The following HOXB7 variants were observed in gnomAD, a reference collection of about 807,000 sequenced individuals.
HOXB7 encodes homeobox protein Hox-B7.
HOXB7 carries 11 observed loss-of-function variants against 19.2 expected under a neutral mutation model. That is an observed-to-expected ratio of 0.57 (90% confidence interval 0.36 to 0.95). The LOEUF (loss-of-function observed/expected upper bound fraction) is 0.95, where lower values mean the gene tolerates loss of function less well. Ranked by LOEUF, HOXB7 falls within the 40% of genes least tolerant of loss-of-function variation. The pLI is 0.01. For synonymous variants in HOXB7, 141 were observed against 130.2 expected (o/e 1.08, Z -0.56); for missense variants, 318 against 301.1 (o/e 1.06, Z -0.42).
At chr17:48,609,151 G>A (rs2070618092) in intron 1 of HOXB7, among the ~76,000 whole-genome samples, 1 of 152,244 alleles carries the variant, frequency 6.6e-6, no homozygotes, top group Non-Finnish European at 1.5e-5. Flanking sequence ...GGGAAAAGGA[G>A]AGACAGCAGC....
chr17:48,610,885 A>G lies in HOXB7; in HGVS notation c.34T>C (p.Ser12Pro). The change falls in exon 1 of 2, where the codon TCT becomes CCT. Residue 12 changes from serine to proline, a missense_variant. Ser to Pro is a moderately conservative substitution (Grantham distance 74). Coordinates refer to ENST00000239165, the MANE Select transcript of HOXB7 (RefSeq NM_004502.4). ...SSLYYANTLF[S>P]KYPASSSVFA... ...ACCGAACTTGAGGCTGGATATTTAG[A>G]AAATAAAGTATTCGCATAATACAAT... 1 of 1,519,820 alleles carries G rather than the reference A, an allele frequency of 6.6e-7. No individual in the cohort carries two copies. The highest frequency in any genetic ancestry group is 8.8e-7 in the Non-Finnish European group (1 of 1,134,114). 94.1% of individuals were successfully genotyped at this position (1,519,820 alleles called of 1,614,324 possible).
chr17:48,608,095 C>T lies in HOXB7; in HGVS notation c.401G>A (p.Gly134Glu). ...CTGGCGGCCTCGTTTGCGGTCAGTT[C>T]CTGCACACAGTATTCAGAGGAAAAT... ...FRIYPWMRSS[G>E]TDRKRGRQTY... Residue 134 changes from glycine (G) to glutamate (E), a missense_variant and splice_region_variant, in exon 2 of 2, where the codon GGA becomes GAA. Coordinates refer to ENST00000239165, the MANE Select transcript of HOXB7 (RefSeq NM_004502.4). 6.2e-7 allele frequency: 1 copy of T among 1,611,248 alleles called. No homozygotes were observed. The highest frequency in any genetic ancestry group is 8.5e-7 in the Non-Finnish European group (1 of 1,178,198).
chr17:48,609,806 A>ATCT (rs1410711737), intron 1 of HOXB7, among the ~76,000 whole-genome samples: 2 of 152,070 alleles, frequency 1.3e-5, no homozygotes, highest in Non-Finnish European at 2.9e-5. Flanking sequence ...CACTCCCATG[A>ATCT]AGCCTCTGCC....
chr17:48,608,854 G>A (rs1241893926), intron 1 of HOXB7, among the ~76,000 whole-genome samples: 1 of 152,232 alleles, frequency 6.6e-6, no homozygotes, highest in African/African-American at 2.4e-5. Context: ...AAGTGACCCT[G>A]GAGTGGGGCG....
chr17:48,607,786 T>G lies in HOXB7; in HGVS notation c.*56A>C. 1 of 1,379,866 alleles carries G rather than the reference T, an allele frequency of 7.2e-7. No individual in the cohort carries two copies. The highest frequency in any genetic ancestry group is 1.0e-6 in the Non-Finnish European group (1 of 987,036). 85.5% of individuals were successfully genotyped at this position (1,379,866 alleles called of 1,614,324 possible). A position where few individuals can be genotyped will look rare whatever the true frequency, so the allele number is the denominator to read the frequency against. On this transcript the variant is annotated 3_prime_UTR_variant, in exon 2 of 2. Transcript: ENST00000239165. ...AGTTTCCTGATTCAGTTCCCAGAGC[T>G]GGGCTTCTCTTCCTCTCCCTTTCTC...
In HOXB7 at chr17:48,607,989, C is replaced by A. The variant is rs1156450889; in HGVS notation, c.507G>T (p.Glu169Asp). 9.9e-6 allele frequency: 16 copies of A among 1,614,192 alleles called. No individual in the cohort carries two copies. In the East Asian group the frequency reaches 3.6e-4, roughly 36 times the overall value. ...NRYLTRRRRIEIAHTLCLTER... is the reference protein window; with the variant it reads ...NRYLTRRRRIDIAHTLCLTER... ...CCGTGAGGCAGAGCGTGTGCGCGAT[C>A]TCGATGCGCCGCCGCCGCGTCAGGT... is the stretch of plus-strand genomic sequence containing the variant. The change falls in exon 2 of 2, where the codon GAG becomes GAT. Residue 169 changes from glutamate to aspartate, a missense_variant. By Grantham distance (45) the Glu-to-Asp change is conservative (BLOSUM62 2). Transcript: ENST00000239165.
chr17:48,609,814 G>C (rs750396077), intron 1 of HOXB7, among the ~76,000 whole-genome samples: 11 of 152,130 alleles, frequency 7.2e-5, no homozygotes, highest in Admixed American at 2.6e-4. Flanking sequence ...TGAAGCCTCT[G>C]CCCCTTTCTA....
Position 48,610,625 on chromosome 17 carries a change from C to G in HOXB7, c.294G>C (p.Gly98=). ...CCTTGGCGGAGTCGCCGGGACACAC[C>G]CCGGAGAGGTTCTGCTCAAAGGGCG... is the stretch of plus-strand genomic sequence containing the variant. ...HCAPFEQNLS[G]VCPGDSAKAA... The change falls in exon 1 of 2, where the codon GGG becomes GGC. Residue 98 remains glycine, a synonymous_variant. Transcript: ENST00000239165. 6.4e-7 allele frequency: 1 copy of G among 1,564,194 alleles called. No individual in the cohort carries two copies. The highest frequency in any genetic ancestry group is 1.2e-5 in the South Asian group (1 of 85,856).
Position 48,607,796 on chromosome 17 carries a change from T to A in HOXB7, c.*46A>T. 3.4e-6 allele frequency: 5 copies of A among 1,484,572 alleles called. No homozygotes were observed. Among genetic ancestry groups the A allele is most frequent in the South Asian group, 1.2e-5 (1 of 85,286 alleles). 92.0% of individuals were successfully genotyped at this position (1,484,572 alleles called of 1,614,324 possible). A position where few individuals can be genotyped will look rare whatever the true frequency, so the allele number is the denominator to read the frequency against. ...TTCAGTTCCCAGAGCTGGGCTTCTC[T>A]TCCTCTCCCTTTCTCATGTCTCTTC... On this transcript the variant is annotated 3_prime_UTR_variant, in exon 2 of 2. Coordinates refer to ENST00000239165, the MANE Select transcript of HOXB7 (RefSeq NM_004502.4).
chr17:48,610,739 G>A lies in HOXB7; in HGVS notation c.180C>T (p.Pro60=), dbSNP rs34513708. ...SFAASMQGLY[P]GGGGMAGQSA... ...TCTGGCCCGCCATGCCCCCCCCGCC[G>A]GGGTACAAGCCCTGCATCGAGGCGG... is the stretch of plus-strand genomic sequence containing the variant. The change falls in exon 1 of 2, where the codon CCC becomes CCT. Residue 60 remains proline, a synonymous_variant. Transcript: ENST00000239165. 9,183 of 1,601,698 alleles carry A rather than the reference G, an allele frequency of 5.7e-3. 29 individuals are homozygous for A. Among genetic ancestry groups the A allele is most frequent in the Non-Finnish European group, 6.9e-3 (8,133 of 1,173,562 alleles).
In HOXB7 at chr17:48,610,942, C is replaced by G; in HGVS notation, c.-24G>C. On this transcript the variant is annotated 5_prime_UTR_variant, in exon 1 of 2. Transcript: ENST00000239165. ...ATAATTTGGCCGGATGATTTGTAGG[C>G]AGGGACGTTTTAGTGTCGGTTTTAC... 1 of 1,468,204 alleles carries G rather than the reference C, an allele frequency of 6.8e-7. No homozygotes were observed. Among genetic ancestry groups the G allele is most frequent in the East Asian group, 2.5e-5 (1 of 40,394 alleles). The allele number at this position is 1,468,204 out of a possible 1,614,324, so 90.9% of individuals were successfully genotyped here.
Position 48,607,806 on chromosome 17 carries a change from T to G in HOXB7, c.*36A>C, listed in dbSNP as rs754597193. 1 of 1,547,634 alleles carries G rather than the reference T, an allele frequency of 6.5e-7. No homozygotes were observed. The highest frequency in any genetic ancestry group is 2.3e-5 in the East Asian group (1 of 44,148). ...AGAGCTGGGCTTCTCTTCCTCTCCC[T>G]TTCTCATGTCTCTTCCTCTGCCCTT... is the stretch of plus-strand genomic sequence containing the variant. On this transcript the variant is annotated 3_prime_UTR_variant, in exon 2 of 2. Coordinates refer to ENST00000239165, the MANE Select transcript of HOXB7 (RefSeq NM_004502.4).
chr17:48,609,179 A>C (rs771546501), intron 1 of HOXB7, among the ~76,000 whole-genome samples: 19 of 152,328 alleles, frequency 1.2e-4, no homozygotes, highest in Non-Finnish European at 2.4e-4. Context: ...AGGATGGAAC[A>C]TGGAGTATCT....
At chr17:48,609,207 G>A (rs2070618763) in intron 1 of HOXB7, among the ~76,000 whole-genome samples, 2 of 152,228 alleles carry the variant, frequency 1.3e-5, no homozygotes, top group African/African-American at 2.4e-5. Context: ...GGGGACTGAA[G>A]GGTAGAGGGG....
chr17:48,608,188 C>T (rs2070607464), intron 1 of HOXB7, 93 bp from the exon 2 acceptor site: 1 of 1,472,820 alleles, frequency 6.8e-7, no homozygotes, highest in South Asian at 1.3e-5. Context: ...CTTTGGGAGA[C>T]CGAGGCGGGC....
rs1286233856 is a variant in HOXB7 at position 48,610,596 on chromosome 17, G to T, written c.323C>A (p.Ala108Glu). 2 of 1,550,890 alleles carry T rather than the reference G, an allele frequency of 1.3e-6. No individual in the cohort carries two copies. Among genetic ancestry groups the T allele is most frequent in the Non-Finnish European group, 1.7e-6 (2 of 1,146,712 alleles). ...GVCPGDSAKA[A>E]GAKEQRDSDL... Reference sequence around the variant, plus strand: ...CGAGTCCCTCTGCTCCTTGGCGCCCGCCGCCTTGGCGGAGTCGCCGGGACA... The same window carrying T: ...CGAGTCCCTCTGCTCCTTGGCGCCCTCCGCCTTGGCGGAGTCGCCGGGACA... Residue 108 changes from alanine to glutamate, a missense_variant, in exon 1 of 2, where the codon GCG becomes GAG. Transcript: ENST00000239165.
In HOXB7 at chr17:48,610,998, T is replaced by G; in HGVS notation, c.-80A>C. The G allele has an allele frequency of 2.4e-6, 3 of 1,251,902 alleles. No homozygotes were observed. Among genetic ancestry groups the G allele is most frequent in the South Asian group, 4.3e-5 (2 of 46,310 alleles). The allele number at this position is 1,251,902 out of a possible 1,614,324, so 77.5% of individuals were successfully genotyped here. On this transcript the variant is annotated 5_prime_UTR_variant, in exon 1 of 2. Coordinates refer to ENST00000239165, the MANE Select transcript of HOXB7 (RefSeq NM_004502.4). ...TCCTTGATATATTACAGAATTAGAGTCCAGATTTACACCAAAAAGGACCCC... is the reference window on the plus strand; with the variant it reads ...TCCTTGATATATTACAGAATTAGAGGCCAGATTTACACCAAAAAGGACCCC...
At chr17:48,608,863 C>T (rs1005555471) in intron 1 of HOXB7, among the ~76,000 whole-genome samples, 9 of 152,186 alleles carry the variant, frequency 5.9e-5, no homozygotes, top group Admixed American at 5.2e-4. Context: ...TGGAGTGGGG[C>T]GCCAGGCCTA....
chr17:48,610,430 G>T, intron 1 of HOXB7, 89 bp downstream of exon 1: 3 of 1,307,438 alleles, frequency 2.3e-6, no homozygotes, highest in South Asian at 1.9e-5. Flanking sequence ...CTCTGGACGC[G>T]GAAAGGGGCG....
Sources: gnomAD v4.1 joint callset for allele counts (sites outside exome capture counted in the v4.1 genomes callset) on GRCh38, gnomAD v4.1.1 for gene constraint, MANE v1.5 for transcripts, NCBI Gene and HGNC (gene_info 2026-07-23, HGNC 2026-07-21) for gene names.